Variants in NPIPB11 observed in about 807,000 individuals in gnomAD.
NPIPB11 encodes the protein nuclear pore complex interacting protein family member B11.
Under a neutral mutation model 32.8 loss-of-function variants are expected in NPIPB11, and 17 were observed. The ratio of observed to expected loss-of-function variants is 0.52; its 90% CI spans 0.35 to 0.78. The LOEUF (loss-of-function observed/expected upper bound fraction) is 0.78. Among genes scored for constraint, NPIPB11 ranks in the 30% least tolerant of loss-of-function variants. The pLI is 0.01. For synonymous variants in NPIPB11, 209 were observed against 398.4 expected (o/e 0.52, Z 5.66); for missense variants, 537 against 1,000.4 (o/e 0.54, Z 6.25).
intron 2 of NPIPB11, among the ~76,000 whole-genome samples, chr16:29,394,962 T>C (rs1963817823): frequency 6.8e-6 from 1 of 146,674 alleles, no homozygotes; most frequent in East Asian, 2.0e-4. Flanking sequence ...GTCAGGGTGG[T>C]CTCGAACTCC....
rs756507331 is a variant in NPIPB11 at position 29,383,684 on chromosome 16, G to A, written c.1248C>T (p.Ala416=). The change falls in exon 8 of 8, where the codon GCC becomes GCT. Residue 416 remains alanine, a synonymous_variant. Coordinates refer to ENST00000524087, the Ensembl canonical transcript of NPIPB11. ...GTGGAAGCGGCCCCCGCAGATGCTC[G>A]GCAGGTGTCTTGATATTATCATCTG... is the stretch of plus-strand genomic sequence containing the variant. 106 of 471,762 alleles carry A rather than the reference G, an allele frequency of 2.2e-4. 31 individuals carry two copies. Among genetic ancestry groups the A allele is most frequent in the Admixed American group, 1.8e-3 (30 of 16,218 alleles). 29.2% of individuals were successfully genotyped at this position (471,762 alleles called of 1,614,324 possible).
At chr16:29,401,427 G>A (rs565609950) in intron 2 of NPIPB11, among the ~76,000 whole-genome samples, 82 of 152,154 alleles carry the variant, frequency 5.4e-4, no homozygotes, top group Non-Finnish European at 1.0e-3. Context: ...TTTTTCTGAA[G>A]TCTACTCTGT....
At chr16:29,390,508 C>A (rs960095366) in intron 3 of NPIPB11, among the ~76,000 whole-genome samples, 160 bp from the exon 4 acceptor site, 1 of 151,726 alleles carries the variant, frequency 6.6e-6, no homozygotes, top group African/African-American at 2.4e-5. Flanking sequence ...CAAAAATTAG[C>A]CGGGCATGGC....
At chr16:29,391,048 CA>C (rs1184981401) in intron 3 of NPIPB11, among the ~76,000 whole-genome samples, 2 of 150,306 alleles carry the variant, frequency 1.3e-5, no homozygotes, top group African/African-American at 4.9e-5. Flanking sequence ...GCGGGTGAAT[CA>C]CAAGGTCAAG....
intron 2 of NPIPB11, among the ~76,000 whole-genome samples, chr16:29,400,164 C>G (rs3855525): frequency 1.4e-3 from 216 of 150,424 alleles, no homozygotes; most frequent in African/African-American, 4.8e-3. Context: ...TCAGATTAGA[C>G]CAAAAGTGAA....
intron 5 of NPIPB11, among the ~76,000 whole-genome samples, chr16:29,389,685 A>G (rs1963663175): frequency 2.9e-5 from 4 of 136,020 alleles, no homozygotes; most frequent in Non-Finnish European, 3.2e-5. Context: ...AAAAAAAAAA[A>G]AAAAAAAAAA....
upstream of NPIPB11, among the ~76,000 whole-genome samples, chr16:29,405,502 C>A (rs550129941): frequency 3.9e-5 from 6 of 152,120 alleles, no homozygotes; most frequent in South Asian, 2.1e-4. Context: ...TGCAGTCATT[C>A]CCACACATTA....
chr16:29,404,564 C>G (rs76676040), upstream of NPIPB11, among the ~76,000 whole-genome samples: 3 of 96,036 alleles, frequency 3.1e-5, no homozygotes, highest in African/African-American at 1.2e-4. Context: ...GATGAGGCCA[C>G]AGTGCAACCA....
upstream of NPIPB11, among the ~76,000 whole-genome samples, chr16:29,404,755 G>A (rs1964075109): frequency 6.7e-6 from 1 of 149,558 alleles, no homozygotes; most frequent in South Asian, 2.2e-4. Flanking sequence ...GCCGGACACA[G>A]CTGGGTGATG....
chr16:29,393,737 G>A (rs1020797510), intron 3 of NPIPB11, among the ~76,000 whole-genome samples: 1 of 152,098 alleles, frequency 6.6e-6, no homozygotes, highest in Admixed American at 6.6e-5. Flanking sequence ...CAAAAGCTCT[G>A]TTGACATTCT....
upstream of NPIPB11, among the ~76,000 whole-genome samples, chr16:29,406,569 C>T (rs529295042): frequency 4.1e-4 from 63 of 152,308 alleles, no homozygotes; most frequent in South Asian, 1.0e-3. Flanking sequence ...CAAAAATTAG[C>T]CATGCCTGGT....
In NPIPB11 at chr16:29,390,318, G is replaced by A. The variant is rs764980107; in HGVS notation, c.280C>T (p.Arg94Ter). 36 of 1,523,720 alleles carry A rather than the reference G, an allele frequency of 2.4e-5. No individual in the cohort carries two copies. The highest frequency in any genetic ancestry group is 3.4e-5 in the Admixed American group (2 of 59,274). The allele number at this position is 1,523,720 out of a possible 1,614,324, so 94.4% of individuals were successfully genotyped here. A position where few individuals can be genotyped will look rare whatever the true frequency, so the allele number is the denominator to read the frequency against. Residue 94 changes from arginine (R) to a stop codon, truncating the protein, a stop_gained, in exon 4 of 8, where the codon CGA (arginine) becomes TGA (stop). Transcript: ENST00000524087. LOFTEE classifies it high-confidence loss of function. ...TCCGTGGATCCATCATGTCCATTTCGAGACCAGAAGATAGTCTTCAGGAGA... is the reference window on the plus strand; with the variant it reads ...TCCGTGGATCCATCATGTCCATTTCAAGACCAGAAGATAGTCTTCAGGAGA...
intron 2 of NPIPB11, among the ~76,000 whole-genome samples, chr16:29,401,109 A>T (rs189329051): frequency 4.7e-4 from 71 of 152,226 alleles, no homozygotes; most frequent in Middle Eastern, 3.4e-3. Flanking sequence ...TTAGCACAAT[A>T]CATGCACGAC....
Position 29,393,985 on chromosome 16 carries a change from T to A in NPIPB11, c.212A>T (p.Tyr71Phe). The A allele has an allele frequency of 6.9e-6, 11 of 1,599,476 alleles. 1 individual carries two copies. Among genetic ancestry groups the A allele is most frequent in the Admixed American group, 1.7e-5 (1 of 59,994 alleles). Residue 71 changes from tyrosine (Y) to phenylalanine (F), a missense_variant, in exon 3 of 8, where the codon TAT becomes TTT. Coordinates refer to ENST00000524087, the Ensembl canonical transcript of NPIPB11. Reference sequence around the variant, plus strand: ...TATCCAGAGGGTAATGACAACTTTATAACTTGTCGGAAACGCAATAATAAT... The same window carrying A: ...TATCCAGAGGGTAATGACAACTTTAAAACTTGTCGGAAACGCAATAATAAT...
At chr16:29,392,107 C>T (rs1025484263) in intron 3 of NPIPB11, among the ~76,000 whole-genome samples, 10 of 151,634 alleles carry the variant, frequency 6.6e-5, no homozygotes, top group East Asian at 1.9e-4. Context: ...ACTAGGATTT[C>T]GAGAGAAGCA....
intron 2 of NPIPB11, among the ~76,000 whole-genome samples, chr16:29,401,095 G>T (rs1963979205): frequency 6.6e-6 from 1 of 152,114 alleles, no homozygotes. Context: ...TTTTGGGAGA[G>T]TGTTTAGCAC....
rs370134071 is a variant in NPIPB11, at chr16:29,382,259, G to C, written c.2673C>G (p.Pro891=). ...GTGTCTTGAGATTATCATCCGCTGAGGGTGGAAGCGGAACCCACAGACGCT... is the reference window on the plus strand; with the variant it reads ...GTGTCTTGAGATTATCATCCGCTGACGGTGGAAGCGGAACCCACAGACGCT... Residue 891 remains proline (P), a synonymous_variant, in exon 8 of 8, where the codon CCC becomes CCG. Coordinates refer to ENST00000524087, the Ensembl canonical transcript of NPIPB11. 1.1e-5 allele frequency: 17 copies of C among 1,602,946 alleles called. No individual in the cohort carries two copies. The Middle Eastern group carries it at 6.8e-4, about 64-fold the overall frequency.
intron 2 of NPIPB11, among the ~76,000 whole-genome samples, chr16:29,401,484 C>A (rs941693763): frequency 1.3e-5 from 2 of 152,050 alleles, no homozygotes; most frequent in Non-Finnish European, 2.9e-5. Context: ...ACAAACTCCA[C>A]CTGGCTGAGG....
rs1322808583 is a variant in NPIPB11 at position 29,391,371 on chromosome 16, A to G, written c.250-1023T>C. 4.0e-5 allele frequency among the ~76,000 whole-genome samples: 6 copies of G among 148,620 alleles called. No individual in the cohort carries two copies. The South Asian group carries it at 1.3e-3, about 32-fold the overall frequency. ...TCTTATAAGTATTTTACCACAGGTT[A>G]ACATGTTTCACAACTTGAAAAGGAA... On this transcript the variant is annotated intron_variant, in intron 3 of 7. Coordinates refer to ENST00000524087, the Ensembl canonical transcript of NPIPB11.
Sources: gnomAD v4.1 joint callset for allele counts (sites outside exome capture counted in the v4.1 genomes callset) on GRCh38, gnomAD v4.1.1 for gene constraint, MANE v1.5 for transcripts, NCBI Gene and HGNC (gene_info 2026-07-23, HGNC 2026-07-21) for gene names.